BSN: variants seen among roughly 807,000 people sequenced by gnomAD.
The protein encoded by BSN is protein bassoon.
A neutral mutation model predicts 264.8 loss-of-function variants in BSN; 57 were observed. The ratio of observed to expected loss-of-function variants is 0.22; its 90% CI spans 0.17 to 0.27. BSN has a LOEUF of 0.27. Among genes scored for constraint, BSN ranks in the 10% least tolerant of loss-of-function variants. The probability of loss-of-function intolerance (pLI) is 1.00; values close to 1 mark genes in which losing one functional copy is unlikely to be tolerated. For missense variants in BSN, 4,615 were observed against 5,232.5 expected, an observed-to-expected ratio of 0.88 and a Z score of 3.64; for synonymous variants, 2,059 against 2,137.3, an observed-to-expected ratio of 0.96 and a Z score of 1.01.
chr3:49,615,123 C>T (rs1455752484), intron 1 of BSN, among the ~76,000 whole-genome samples: 1 of 152,232 alleles, frequency 6.6e-6, no homozygotes, highest in East Asian at 1.9e-4. Context: ...AGTCAGAGCT[C>T]ACTGCCTTAA....
At chr3:49,648,350 G>A (rs1336838204) in intron 3 of BSN, among the ~76,000 whole-genome samples, 1 of 152,254 alleles carries the variant, frequency 6.6e-6, no homozygotes, top group East Asian at 1.9e-4. Flanking sequence ...GCTCCAAAGT[G>A]GAGTTAGGGC....
At chr3:49,649,562 C>G (rs1039847493) in intron 3 of BSN, among the ~76,000 whole-genome samples, 1 of 152,200 alleles carries the variant, frequency 6.6e-6, no homozygotes, top group South Asian at 2.1e-4. Context: ...CAGCCTCAGA[C>G]CTGCTGCAGG....
Position 49,653,847 on chromosome 3 carries a change from C to G in BSN, c.4291C>G (p.Gln1431Glu), listed in dbSNP as rs1322561745. Residue 1431 changes from glutamine to glutamate, a missense_variant, in exon 5 of 12, where the codon CAA (glutamine) becomes GAA (glutamate). By Grantham distance (29) the Gln-to-Glu change is conservative (BLOSUM62 2). Coordinates refer to ENST00000296452, the MANE Select transcript of BSN (RefSeq NM_003458.4). The surrounding 1 kb of genome is among the most constrained non-coding windows in gnomAD (Gnocchi z 6.3). ...CCCAACCACTGCAAACTATGGGTCCCAAACTGAGGATCTACCCCAGGCCCC... is the reference window on the plus strand; with the variant it reads ...CCCAACCACTGCAAACTATGGGTCCGAAACTGAGGATCTACCCCAGGCCCC... ...HSPTTANYGS[Q>E]TEDLPQAPSG... 1.2e-6 allele frequency: 2 copies of G among 1,614,140 alleles called. No homozygotes were observed. Among genetic ancestry groups the G allele is most frequent in the Non-Finnish European group, 8.5e-7 (1 of 1,180,012 alleles).
At chr3:49,584,285 A>ATT (rs34680713) in intron 1 of BSN, among the ~76,000 whole-genome samples, 5,875 of 149,234 alleles carry the variant, frequency 0.039, 132 homozygotes, top group Non-Finnish European at 0.051. Flanking sequence ...AGGCTTATTG[A>ATT]TTTTTTTTTT....
intron 3 of BSN, among the ~76,000 whole-genome samples, chr3:49,644,123 T>G (rs542834127): frequency 6.6e-6 from 1 of 152,312 alleles, no homozygotes; most frequent in East Asian, 1.9e-4. Flanking sequence ...GTGTGTCTCC[T>G]TAGAGTGCCC....
intron 1 of BSN, among the ~76,000 whole-genome samples, chr3:49,622,500 A>G (rs995044379): frequency 6.6e-6 from 1 of 152,174 alleles, no homozygotes; most frequent in African/African-American, 2.4e-5. Flanking sequence ...TTGTGATACA[A>G]CATTGATTTA....
In BSN at chr3:49,654,091, C is replaced by T. The variant is rs1280185534; in HGVS notation, c.4535C>T (p.Ala1512Val). The T allele has an allele frequency of 6.2e-7, 1 of 1,614,000 alleles. No homozygotes were observed. The highest frequency in any genetic ancestry group is 8.5e-7 in the Non-Finnish European group (1 of 1,180,010). ...AEFSTQTPSP[A>V]PASDMPRSPG... ...TTCTCTACACAGACGCCAAGTCCAG[C>T]CCCTGCCTCAGACATGCCACGGAGC... Residue 1512 changes from alanine (A) to valine (V), a missense_variant, in exon 5 of 12, where the codon GCC (alanine) becomes GTC (valine). Ala to Val is a moderately conservative substitution (Grantham distance 64). Transcript: ENST00000296452. The surrounding 1 kb of genome is among the most constrained non-coding windows in gnomAD (Gnocchi z 4.1).
intron 1 of BSN, among the ~76,000 whole-genome samples, chr3:49,574,132 A>ATT (rs33920630): frequency 0.54 from 68,656 of 127,798 alleles, 19,872 homozygotes; most frequent in East Asian, 0.92. Context: ...GTATTTTTGT[A>ATT]TTTTTTTTTT....
At chr3:49,600,224 CAGGCCTTGAGCCT>C (rs2108031917) in intron 1 of BSN, among the ~76,000 whole-genome samples, 1 of 152,286 alleles carries the variant, frequency 6.6e-6, no homozygotes, top group African/African-American at 2.4e-5. Context: ...CTTGAAGAAC[CAGGCCTTGAGCCT>C]GGGCCTGGGG....
chr3:49,650,865 A>G lies in BSN; in HGVS notation c.1772A>G (p.Lys591Arg), dbSNP rs1452630072. The G allele has an allele frequency of 1.2e-6, 2 of 1,614,210 alleles. No homozygotes were observed. The highest frequency in any genetic ancestry group is 1.7e-5 in the Admixed American group (1 of 60,018). The part of the protein sequence containing the change: ...PLPSKASPQA[K>R]PLRASEPSKT... ...CCCAGCAAGGCCAGCCCCCAGGCCA[A>G]GCCCCTCAGGGCTTCTGAACCCAGC... Residue 591 changes from lysine (K) to arginine (R), a missense_variant, in exon 4 of 12, where the codon AAG becomes AGG. Transcript: ENST00000296452.
Position 49,661,873 on chromosome 3 carries a change from A to G in BSN, c.10028A>G (p.His3343Arg). Residue 3343 changes from histidine (H) to arginine (R), a missense_variant, in exon 6 of 12, where the codon CAT becomes CGT. Coordinates refer to ENST00000296452, the MANE Select transcript of BSN (RefSeq NM_003458.4). The part of the protein sequence containing the change: ...KYGPGPMGPK[H>R]PSKSLAPAAI... Reference sequence around the variant, plus strand: ...GGTCCAGGGCCCATGGGGCCCAAGCATCCCTCCAAGAGCCTGGCTCCAGCT... The same window carrying G: ...GGTCCAGGGCCCATGGGGCCCAAGCGTCCCTCCAAGAGCCTGGCTCCAGCT... 1 of 1,613,678 alleles carries G rather than the reference A, an allele frequency of 6.2e-7. No homozygotes were observed. Among genetic ancestry groups the G allele is most frequent in the Non-Finnish European group, 8.5e-7 (1 of 1,180,038 alleles).
chr3:49,648,840 G>T (rs1423843542), intron 3 of BSN, among the ~76,000 whole-genome samples: 1 of 152,230 alleles, frequency 6.6e-6, no homozygotes, highest in East Asian at 1.9e-4. Flanking sequence ...TGTATGTAGG[G>T]CATCTAAAGG....
In BSN at chr3:49,651,351, A is replaced by C; in HGVS notation, c.1987-192A>C. 3.0e-6 allele frequency: 2 copies of C among 676,704 alleles called. No homozygotes were observed. The highest frequency in any genetic ancestry group is 4.8e-6 in the Non-Finnish European group (2 of 418,254). 41.9% of individuals were successfully genotyped at this position (676,704 alleles called of 1,614,324 possible). On this transcript the variant is annotated intron_variant, in intron 4 of 11. Coordinates refer to ENST00000296452, the MANE Select transcript of BSN (RefSeq NM_003458.4). This position sits in a 1 kb window ranked among gnomAD's most constrained non-coding sequence, Gnocchi z 5.4. ...TAGTAAAGTTTCTCTTTGAAGACCA[A>C]GGGCTGGTTTGGGCTTGCCATGGAA...
At chr3:49,600,790 C>A (rs1415421491) in intron 1 of BSN, among the ~76,000 whole-genome samples, 2 of 152,002 alleles carry the variant, frequency 1.3e-5, no homozygotes, top group Non-Finnish European at 2.9e-5. Context: ...GGTGGCAGAG[C>A]AAGACCCCAT....
Position 49,656,699 on chromosome 3 carries a change from G to A in BSN, c.7143G>A (p.Glu2381=). 6.3e-7 allele frequency: 1 copy of A among 1,587,058 alleles called. No individual in the cohort carries two copies. Among genetic ancestry groups the A allele is most frequent in the Middle Eastern group, 1.7e-4 (1 of 5,898 alleles). ...TCCAGCTAGAGCGGGAGCGGGTGGA[G>A]TTGGAGAAGCTGCGACAACTTCGGC... ...QLLQLERERV[E]LEKLRQLRLQ... Residue 2381 remains glutamate (E), a synonymous_variant, in exon 5 of 12, where the codon GAG becomes GAA. Coordinates refer to ENST00000296452, the MANE Select transcript of BSN (RefSeq NM_003458.4).
rs1342284080 is a variant in BSN at position 49,655,052 on chromosome 3, C to T, written c.5496C>T (p.Gly1832=). 4.3e-6 allele frequency: 7 copies of T among 1,612,986 alleles called. No individual in the cohort carries two copies. Among genetic ancestry groups the T allele is most frequent in the Non-Finnish European group, 5.9e-6 (7 of 1,180,050 alleles). ...GTAQSIGLKP[G]PVPEPGAEPH... is the part of the protein sequence containing the mutation. ...CCCAGAGCATTGGCCTCAAGCCAGGCCCAGTGCCAGAGCCAGGTGCCGAGC... is the reference window on the plus strand; with the variant it reads ...CCCAGAGCATTGGCCTCAAGCCAGGTCCAGTGCCAGAGCCAGGTGCCGAGC... The change falls in exon 5 of 12, where the codon GGC becomes GGT. Residue 1832 remains glycine, a synonymous_variant. Transcript: ENST00000296452.
intron 2 of BSN, among the ~76,000 whole-genome samples, chr3:49,630,500 G>A (rs992260669): frequency 3.3e-5 from 5 of 152,300 alleles, no homozygotes; most frequent in South Asian, 4.1e-4. Context: ...TACATGCCCC[G>A]AAGTGGTCCA....
At position 49,653,196 on chromosome 3, in the gene BSN, G is replaced by A. The variant is rs751474587; in HGVS notation, c.3640G>A (p.Gly1214Ser). The part of the protein sequence containing the change: ...QAAGARGPHG[G>S]PSQPTGPRGL... ...AGCAGGGGCCCGGGGACCCCATGGC[G>A]GCCCCTCTCAGCCCACAGGCCCCCG... The change falls in exon 5 of 12, where the codon GGC (glycine) becomes AGC (serine). Residue 1214 changes from glycine to serine, a missense_variant. Coordinates refer to ENST00000296452, the MANE Select transcript of BSN (RefSeq NM_003458.4). The surrounding 1 kb of genome is among the most constrained non-coding windows in gnomAD (Gnocchi z 6.3). The A allele has an allele frequency of 1.2e-5, 20 of 1,610,720 alleles. No individual in the cohort carries two copies. The Admixed American group carries it at 1.9e-4, about 15-fold the overall frequency.
At chr3:49,627,318 T>A (rs532351259) in intron 2 of BSN, among the ~76,000 whole-genome samples, 1 of 152,308 alleles carries the variant, frequency 6.6e-6, no homozygotes, top group Non-Finnish European at 1.5e-5. Context: ...ACCTGGTCCC[T>A]TCTCCAAGTT....
Sources: allele counts gnomAD v4.1 joint callset (sites outside exome capture counted in the v4.1 genomes callset), GRCh38; gene constraint gnomAD v4.1.1; non-coding constraint Gnocchi (gnomAD v3.1); transcripts MANE v1.5; gene names NCBI Gene and HGNC (gene_info 2026-07-23, HGNC 2026-07-21).